SRP54: variants seen among roughly 807,000 people sequenced by gnomAD.
SRP54 encodes the protein signal recognition particle 54.
A neutral mutation model predicts 64.8 loss-of-function variants in SRP54; 10 were observed. The observed-to-expected ratio is 0.15, with a 90% CI of 0.10 to 0.26. The LOEUF is 0.26. SRP54 is among the 10% of genes least tolerant of loss of function. The pLI is 1.00. For synonymous variants in SRP54, 193 were observed against 185.6 expected, an observed-to-expected ratio of 1.04 and a Z score of -0.32; for missense variants, 325 against 613.7, an observed-to-expected ratio of 0.53 and a Z score of 4.97.
At chr14:35,014,290 T>TTTTTTTTG (rs376712278) in intron 10 of SRP54, among the ~76,000 whole-genome samples, 15 of 127,348 alleles carry the variant, frequency 1.2e-4, no homozygotes, top group African/African-American at 3.2e-4. Context: ...TTTTTTTTTT[T>TTTTTTTTG]TTTTGAGACG....
intron 11 of SRP54, among the ~76,000 whole-genome samples, chr14:35,017,792 G>A (rs1342377633): frequency 6.6e-6 from 1 of 152,052 alleles, no homozygotes; most frequent in Non-Finnish European, 1.5e-5. Context: ...ACTCTAAAAG[G>A]TTTGCTTGTG....
chr14:34,998,821 CA>C (rs1172170156), intron 2 of SRP54, among the ~76,000 whole-genome samples: 148 of 128,852 alleles, frequency 1.1e-3, no homozygotes, highest in Middle Eastern at 3.9e-3. Context: ...AACTCTGTTC[CA>C]AAAAAAAAAA....
intron 11 of SRP54, among the ~76,000 whole-genome samples, chr14:35,016,091 C>T (rs2044434172): frequency 6.6e-6 from 1 of 152,188 alleles, no homozygotes; most frequent in African/African-American, 2.4e-5. Context: ...TTTCCACCTC[C>T]TAAATATCTC....
chr14:34,989,947 A>G (rs1055581954), intron 1 of SRP54, among the ~76,000 whole-genome samples: 1 of 152,224 alleles, frequency 6.6e-6, no homozygotes, highest in Non-Finnish European at 1.5e-5. Context: ...AGATTAAGTA[A>G]CTTGCCCAAA....
chr14:35,026,900 G>GC (rs1192213227), intron 14 of SRP54, among the ~76,000 whole-genome samples: 1 of 152,052 alleles, frequency 6.6e-6, no homozygotes, highest in Non-Finnish European at 1.5e-5. Context: ...CTGAGTTCGT[G>GC]CCATTGCACT....
At position 34,996,811 on chromosome 14, in the gene SRP54, A is replaced by G. The variant is rs369445589; in HGVS notation, c.78+24A>G. On this transcript the variant is annotated intron_variant, in intron 2 of 15. Coordinates refer to ENST00000216774, the MANE Select transcript of SRP54 (RefSeq NM_003136.4). The stretch of plus-strand genomic sequence containing the variant: ...AGGTATGTAAAATATTGTATGAAAT[A>G]TATATGATTGTATATTGTCACTAGC... 4.0e-4 allele frequency: 606 copies of G among 1,504,172 alleles called. 2 individuals are homozygous for G. Among genetic ancestry groups the G allele is most frequent in the Non-Finnish European group, 5.5e-4 (592 of 1,079,954 alleles). 93.2% of individuals were successfully genotyped at this position (1,504,172 alleles called of 1,614,324 possible).
chr14:35,004,694 G>A (rs2044229674), intron 4 of SRP54: 1 of 152,156 alleles, frequency 6.6e-6, no homozygotes, highest in African/African-American at 2.4e-5. Flanking sequence ...CAAATAATGG[G>A]TCCATAGAGA....
At chr14:34,983,847 A>G (rs2043849570) in intron 1 of SRP54, among the ~76,000 whole-genome samples, 2 of 152,238 alleles carry the variant, frequency 1.3e-5, no homozygotes, top group Non-Finnish European at 2.9e-5. Context: ...GCACATAAAT[A>G]CACATTATAT....
Position 35,000,948 on chromosome 14 carries a change from T to C in SRP54, c.183T>C (p.Asp61=). The C allele has an allele frequency of 6.3e-7, 1 of 1,590,364 alleles. No individual in the cohort carries two copies. The highest frequency in any genetic ancestry group is 8.5e-7 in the Non-Finnish European group (1 of 1,169,632). The change falls in exon 4 of 16, where the codon GAT becomes GAC. Residue 61 remains aspartate (D), a synonymous_variant. Coordinates refer to ENST00000216774, the MANE Select transcript of SRP54 (RefSeq NM_003136.4). ...QLRENVKSAI[D]LEEMASGLNK... ...CACCATCATAAAGGTCTGCTATTGA[T>C]CTTGAAGAGATGGCATCTGGTCTTA...
intron 14 of SRP54, among the ~76,000 whole-genome samples, chr14:35,027,550 G>GT (rs2044652324): frequency 6.6e-6 from 1 of 152,088 alleles, no homozygotes; most frequent in Admixed American, 6.5e-5. Flanking sequence ...GAGGTCAGGT[G>GT]TTTGAGACCA....
At chr14:34,986,115 C>G (rs1243948419) in intron 1 of SRP54, among the ~76,000 whole-genome samples, 1 of 151,496 alleles carries the variant, frequency 6.6e-6, no homozygotes, top group Non-Finnish European at 1.5e-5. Flanking sequence ...GTTATTACCT[C>G]TTGTTGCTAA....
intron 2 of SRP54, among the ~76,000 whole-genome samples, chr14:34,999,013 GGT>G (rs1491114090): frequency 3.3e-3 from 132 of 39,570 alleles, no homozygotes; most frequent in African/African-American, 9.5e-3. Context: ...GTGTGTGTGT[GGT>G]TTTTTTTTTT....
intron 7 of SRP54, 129 bp downstream of exon 7, chr14:35,008,960 C>T: frequency 3.2e-6 from 2 of 632,380 alleles, no homozygotes; most frequent in Admixed American, 3.4e-5. Context: ...GATCTTGGCT[C>T]ACTGCAACCA....
In SRP54 at chr14:35,029,380, G is replaced by T; in HGVS notation, c.*228G>T. 2.6e-6 allele frequency: 1 copy of T among 379,928 alleles called. No homozygotes were observed. The highest frequency in any genetic ancestry group is 4.7e-6 in the Non-Finnish European group (1 of 212,120). The allele number at this position is 379,928 out of a possible 1,614,324, so 23.5% of individuals were successfully genotyped here. A position where few individuals can be genotyped will look rare whatever the true frequency, so the allele number is the denominator to read the frequency against. On this transcript the variant is annotated 3_prime_UTR_variant, in exon 16 of 16. Coordinates refer to ENST00000216774, the MANE Select transcript of SRP54 (RefSeq NM_003136.4). The stretch of plus-strand genomic sequence containing the variant: ...TTTTTGTGGAAATCATTATATGTTT[G>T]CTTTAGATTTTCTTCTGTTTTCACC...
chr14:34,992,814 A>G (rs2044001967), intron 1 of SRP54, among the ~76,000 whole-genome samples: 2 of 151,918 alleles, frequency 1.3e-5, no homozygotes, highest in South Asian at 4.1e-4. Context: ...AATTAAAGAC[A>G]CTTCCTAAAG....
intron 1 of SRP54, among the ~76,000 whole-genome samples, chr14:34,990,502 C>G (rs2138963360): frequency 6.6e-6 from 1 of 152,260 alleles, no homozygotes; most frequent in South Asian, 2.1e-4. Flanking sequence ...AGATGTTCAA[C>G]TGTAAGAAAG....
At position 34,988,578 on chromosome 14, in the gene SRP54, A is replaced by AAAAAAAAAATATATATAT. The variant is rs1384552218; in HGVS notation, c.-34+5364_-34+5365insAAAAAAAATATATATATA. On this transcript the variant is annotated intron_variant, in intron 1 of 15. Coordinates refer to ENST00000216774, the MANE Select transcript of SRP54 (RefSeq NM_003136.4). ...TCCATCTCAAAAAAAAAAAAAAAAA[A>AAAAAAAAAATATATATAT]ATATATATATATATATAACATATAT... Among the ~76,000 whole-genome samples the AAAAAAAAAATATATATAT allele has an allele frequency of 4.2e-5, 2 of 47,100 alleles. 1 individual carries two copies. The highest frequency in any genetic ancestry group is 9.6e-5 in the Non-Finnish European group (2 of 20,866). The allele number at this position is 47,100 out of a possible 152,430, so 30.9% of individuals were successfully genotyped here.
chr14:34,994,445 A>G (rs1054891608), intron 1 of SRP54, among the ~76,000 whole-genome samples: 1 of 152,190 alleles, frequency 6.6e-6, no homozygotes, highest in African/African-American at 2.4e-5. Flanking sequence ...AATATTGTTC[A>G]TATTGGAAAA....
intron 11 of SRP54, among the ~76,000 whole-genome samples, chr14:35,016,915 C>T (rs192129522): frequency 7.0e-6 from 1 of 143,832 alleles, no homozygotes; most frequent in Non-Finnish European, 1.5e-5. Context: ...AGTGCATTGG[C>T]ACAATCTCAG....
Sources: gnomAD v4.1 joint callset for allele counts (sites outside exome capture counted in the v4.1 genomes callset) on GRCh38, gnomAD v4.1.1 for gene constraint, MANE v1.5 for transcripts, NCBI Gene and HGNC (gene_info 2026-07-23, HGNC 2026-07-21) for gene names.